Variants in RXRA observed in about 807,000 individuals in gnomAD.
RXRA encodes retinoid X receptor alpha.
A neutral mutation model predicts 44.5 loss-of-function variants in RXRA; 5 were observed. The observed-to-expected ratio is 0.11, with a 90% confidence interval of 0.06 to 0.24. The LOEUF is 0.24. Among genes scored for constraint, RXRA ranks in the 10% least tolerant of loss-of-function variants. The pLI is 1.00. For synonymous variants in RXRA, 291 were observed against 271.4 expected (o/e 1.07, Z -0.71); for missense variants, 412 against 646.5 (o/e 0.64, Z 3.93).
chr9:134,360,904 C>G (rs779148375), intron 1 of RXRA, among the ~76,000 whole-genome samples: 21 of 152,206 alleles, frequency 1.4e-4, no homozygotes, highest in Non-Finnish European at 2.5e-4. Context: ...GCTCTGAGCC[C>G]GATGCAGGGC....
intron 1 of RXRA, among the ~76,000 whole-genome samples, chr9:134,392,879 C>G (rs975502596): frequency 6.6e-6 from 1 of 152,024 alleles, no homozygotes; most frequent in African/African-American, 2.4e-5. Flanking sequence ...GTTGGGAACC[C>G]GTCCCTGGGC....
At chr9:134,345,349 G>A (rs1830137231) in intron 1 of RXRA, among the ~76,000 whole-genome samples, 1 of 152,224 alleles carries the variant, frequency 6.6e-6, no homozygotes, top group Admixed American at 6.5e-5. Context: ...AAGCCCTGAT[G>A]GGTTTTTGTG....
In RXRA at chr9:134,436,687, G is replaced by C. The variant is rs1261865719; in HGVS notation, c.*73G>C. 4.4e-6 allele frequency: 7 copies of C among 1,577,466 alleles called. No homozygotes were observed. The highest frequency in any genetic ancestry group is 1.3e-5 in the African/African-American group (1 of 74,316). On this transcript the variant is annotated 3_prime_UTR_variant, in exon 10 of 10. Transcript: ENST00000481739. ...GGACGCCAGCTGTTCTTCTCAGCCT[G>C]AGCCCTGTCCCTGCCCTTCTCTGCC...
At chr9:134,350,535 G>A (rs1050010144) in intron 1 of RXRA, among the ~76,000 whole-genome samples, 2 of 152,182 alleles carry the variant, frequency 1.3e-5, no homozygotes, top group East Asian at 1.9e-4. Flanking sequence ...GTCTTCCTTC[G>A]GGCACAGCAG....
intron 1 of RXRA, among the ~76,000 whole-genome samples, chr9:134,352,984 G>C (rs1425230706): frequency 4.6e-5 from 7 of 152,254 alleles, no homozygotes; most frequent in African/African-American, 1.7e-4. Context: ...AAAGCCAGCT[G>C]GGGGCTGTGA....
intron 1 of RXRA, among the ~76,000 whole-genome samples, chr9:134,373,293 C>T (rs187609887): frequency 7.8e-4 from 118 of 152,234 alleles, no homozygotes; most frequent in African/African-American, 2.7e-3. Flanking sequence ...GCATGGCCAC[C>T]GAGACGCACT....
In RXRA at chr9:134,363,111, G is replaced by C. The variant is rs778208222; in HGVS notation, c.28+36452G>C. Among the ~76,000 whole-genome samples, 12 of 152,300 alleles carry C rather than the reference G, an allele frequency of 7.9e-5. No homozygotes were observed. The South Asian group carries it at 1.2e-3, about 16-fold the overall frequency. ...CAAGTTCAGTAAGTTCACTTTCCCCGGGGGCTGTTGGGTGCCATGTTCTCC... is the reference window on the plus strand; with the variant it reads ...CAAGTTCAGTAAGTTCACTTTCCCCCGGGGCTGTTGGGTGCCATGTTCTCC... On this transcript the variant is annotated intron_variant, in intron 1 of 9. Transcript: ENST00000481739.
At chr9:134,393,125 A>G (rs555516824) in intron 1 of RXRA, among the ~76,000 whole-genome samples, 1 of 152,190 alleles carries the variant, frequency 6.6e-6, no homozygotes, top group East Asian at 1.9e-4. Flanking sequence ...CGTCTGGGGC[A>G]TCGGACCAAG....
intron 4 of RXRA, among the ~76,000 whole-genome samples, chr9:134,414,398 C>A (rs1831199726): frequency 6.6e-6 from 1 of 152,248 alleles, no homozygotes. Flanking sequence ...GCTCCGGTGA[C>A]AGCTCTGAGC....
At chr9:134,376,951 C>T (rs1196380726) in intron 1 of RXRA, among the ~76,000 whole-genome samples, 4 of 152,160 alleles carry the variant, frequency 2.6e-5, no homozygotes, top group African/African-American at 4.8e-5. Context: ...CTCTGGGCCA[C>T]GTGTTCACTG....
chr9:134,351,596 C>T (rs551034841), intron 1 of RXRA, among the ~76,000 whole-genome samples: 6 of 152,232 alleles, frequency 3.9e-5, no homozygotes, highest in South Asian at 4.1e-4. Flanking sequence ...CCTGCTCCCC[C>T]GGGAGGGTGG....
chr9:134,341,206 GCA>G (rs1242129673), intron 1 of RXRA, among the ~76,000 whole-genome samples: 5 of 152,206 alleles, frequency 3.3e-5, no homozygotes, highest in Non-Finnish European at 7.3e-5. Context: ...CTCGTTCCCT[GCA>G]CCCCAGTGCT....
At chr9:134,413,290 G>A (rs1029690844) in intron 4 of RXRA, among the ~76,000 whole-genome samples, 6 of 151,846 alleles carry the variant, frequency 4.0e-5, no homozygotes, top group African/African-American at 1.2e-4. Flanking sequence ...GTGGTGTATG[G>A]GTGTGCGTGT....
In RXRA at chr9:134,436,530, TCTC is replaced by T; in HGVS notation, c.1306_1308del (p.Leu436del). On this transcript the variant is annotated inframe_deletion, in exon 10 of 10. Coordinates refer to ENST00000481739, the MANE Select transcript of RXRA (RefSeq NM_002957.6). ...CCATCGGGCTCAAATGCCTGGAACA[TCTC>T]TTCTTCTTCAAGCTCATCGGGGACA... is the stretch of plus-strand genomic sequence containing the variant. 1 of 1,614,112 alleles carries T rather than the reference TCTC, an allele frequency of 6.2e-7. No homozygotes were observed. Among genetic ancestry groups the T allele is most frequent in the Non-Finnish European group, 8.5e-7 (1 of 1,180,004 alleles).
intron 1 of RXRA, among the ~76,000 whole-genome samples, chr9:134,347,743 C>T (rs1219826787): frequency 6.6e-6 from 1 of 152,040 alleles, no homozygotes; most frequent in African/African-American, 2.4e-5. Flanking sequence ...GTGCAAAGGC[C>T]CCAGAGTGGG....
At chr9:134,409,171 G>A (rs1204737034) in intron 4 of RXRA, 52 bp downstream of exon 4, 1 of 1,480,048 alleles carries the variant, frequency 6.8e-7, no homozygotes, top group Non-Finnish European at 9.0e-7. Context: ...CAAACAGTGG[G>A]GCCCGGGCTT....
intron 1 of RXRA, among the ~76,000 whole-genome samples, chr9:134,387,030 C>T (rs902710715): frequency 1.3e-5 from 2 of 152,198 alleles, no homozygotes; most frequent in East Asian, 1.9e-4. Context: ...GGGGCTTAAG[C>T]GGCCAGACTG....
In RXRA at chr9:134,357,930, A is replaced by AGAG. The variant is rs10565173; in HGVS notation, c.28+31291_28+31293dup. Among the ~76,000 whole-genome samples, 748 of 151,768 alleles carry AGAG rather than the reference A, an allele frequency of 4.9e-3. 4 individuals carry two copies. Among genetic ancestry groups the AGAG allele is most frequent in the African/African-American group, 0.017 (709 of 41,440 alleles). On this transcript the variant is annotated intron_variant, in intron 1 of 9. Coordinates refer to ENST00000481739, the MANE Select transcript of RXRA (RefSeq NM_002957.6). ...TGTGGGCAAGGGGAGGAGCCACAGC[A>AGAG]GAGGAGGAGGAGGAGGAGGAGGGCA...
chr9:134,400,031 C>T (rs553387179), intron 1 of RXRA, among the ~76,000 whole-genome samples: 1 of 152,344 alleles, frequency 6.6e-6, no homozygotes, highest in Admixed American at 6.5e-5. Flanking sequence ...TCTGAGCTGG[C>T]CTTGGCCAGG....
Sources: allele counts gnomAD v4.1 joint callset (sites outside exome capture counted in the v4.1 genomes callset), GRCh38; gene constraint gnomAD v4.1.1; transcripts MANE v1.5; gene names NCBI Gene and HGNC (gene_info 2026-07-23, HGNC 2026-07-21).